ALDH6A1: variants seen among roughly 807,000 people sequenced by gnomAD.
The protein encoded by ALDH6A1 is aldehyde dehydrogenase 6 family member A1.
Under a neutral mutation model 62.6 loss-of-function variants are expected in ALDH6A1, and 43 were observed. That is an observed-to-expected ratio of 0.69 (90% CI 0.54 to 0.89). ALDH6A1 has a LOEUF of 0.89. Ranked by LOEUF, ALDH6A1 falls within the 40% of genes least tolerant of loss-of-function variation. The pLI, the probability that ALDH6A1 is intolerant of heterozygous loss-of-function variation, is 0.00. For synonymous variants in ALDH6A1, 194 were observed against 234.2 expected, an observed-to-expected ratio of 0.83 and a Z score of 1.57; for missense variants, 551 against 661.3, an observed-to-expected ratio of 0.83 and a Z score of 1.83.
At chr14:74,075,204 T>C (rs2060599149) in intron 1 of ALDH6A1, among the ~76,000 whole-genome samples, 187 bp from the exon 2 acceptor site, 1 of 152,116 alleles carries the variant, frequency 6.6e-6, no homozygotes, top group Admixed American at 6.6e-5. Flanking sequence ...CAATAAACCA[T>C]AATAATCATG....
intron 1 of ALDH6A1, among the ~76,000 whole-genome samples, chr14:74,079,889 T>C (rs1240061228): frequency 6.6e-6 from 1 of 151,986 alleles, no homozygotes; most frequent in East Asian, 1.9e-4. Flanking sequence ...ATTTTAAAAA[T>C]TAGTTGGGCA....
At position 74,058,338 on chromosome 14, in the gene ALDH6A1, A is replaced by T. The variant is rs2060266526; in HGVS notation, c.*2304T>A. 6.6e-6 allele frequency: 1 copy of T among 151,114 alleles called. No homozygotes were observed. Among genetic ancestry groups the T allele is most frequent in the South Asian group, 2.1e-4 (1 of 4,784 alleles). 9.4% of individuals were successfully genotyped at this position (151,114 alleles called of 1,614,324 possible). On this transcript the variant is annotated 3_prime_UTR_variant, in exon 12 of 12. Transcript: ENST00000553458. The stretch of plus-strand genomic sequence containing the variant: ...CGAGACTCCATCTCAAAACAAAACA[A>T]AACAACAACAAAAAAAATCACTACC...
At position 74,065,277 on chromosome 14, in the gene ALDH6A1, C is replaced by T. The variant is rs1156892766; in HGVS notation, c.1308G>A (p.Gln436=). The T allele has an allele frequency of 1.2e-6, 2 of 1,614,156 alleles. No individual in the cohort carries two copies. Among genetic ancestry groups the T allele is most frequent in the African/African-American group, 1.3e-5 (1 of 75,056 alleles). Residue 436 remains glutamine, a synonymous_variant, in exon 10 of 12, where the codon CAG becomes CAA. Coordinates refer to ENST00000553458, the MANE Select transcript of ALDH6A1 (RefSeq NM_005589.4). The part of the protein sequence containing the change: ...LETETLDEAI[Q]IVNNNPYGNG... ...TTCCATATGGGTTGTTATTTACAAT[C>T]TGGATGGCTTCATCCAATGTTTCTG... is the stretch of plus-strand genomic sequence containing the variant.
rs761850051 is a variant in ALDH6A1 at position 74,068,964 on chromosome 14, C to A, written c.748G>T (p.Asp250Tyr). ...GQHEAVNFICDHPDIKAISFV... is the reference protein window; with the variant it reads ...GQHEAVNFICYHPDIKAISFV... The stretch of plus-strand genomic sequence containing the variant: ...CTGATTGCTTTGATGTCCGGATGAT[C>A]GCAAATAAAATTTACAGCTTTAAGA... Residue 250 changes from aspartate to tyrosine, a missense_variant, in exon 7 of 12, where the codon GAT becomes TAT. Physicochemically the swap from Asp to Tyr is radical, Grantham distance 160. Transcript: ENST00000553458. 1 of 1,613,868 alleles carries A rather than the reference C, an allele frequency of 6.2e-7. No individual in the cohort carries two copies. Among genetic ancestry groups the A allele is most frequent in the East Asian group, 2.2e-5 (1 of 44,864 alleles).
chr14:74,079,545 G>C (rs1323822090), intron 1 of ALDH6A1, among the ~76,000 whole-genome samples: 2 of 151,216 alleles, frequency 1.3e-5, no homozygotes, highest in African/African-American at 2.4e-5. Context: ...ACCTTCTCCT[G>C]CCTCAGCCTC....
At chr14:74,071,127 C>A in intron 6 of ALDH6A1, 68 bp downstream of exon 6, 1 of 1,427,554 alleles carries the variant, frequency 7.0e-7, no homozygotes, top group Non-Finnish European at 9.9e-7. Context: ...CTAAAACATC[C>A]AACCATCACT....
At chr14:74,062,159 T>C (rs999209930) in intron 11 of ALDH6A1, among the ~76,000 whole-genome samples, 4 of 151,006 alleles carry the variant, frequency 2.6e-5, no homozygotes, top group Non-Finnish European at 5.9e-5. Context: ...AATGCACCAT[T>C]GCACTCCAGC....
chr14:74,060,848 C>G lies in ALDH6A1; in HGVS notation c.1504-102G>C, dbSNP rs770108434. The G allele has an allele frequency of 4.3e-5, 35 of 819,472 alleles. No homozygotes were observed. The Middle Eastern group carries it at 1.3e-3, about 30-fold the overall frequency. 50.8% of individuals were successfully genotyped at this position (819,472 alleles called of 1,614,324 possible). Reference sequence around the variant, plus strand: ...GTATTATAAAGTGCTACTCACTTTCCTAATTGAGAAATGCAATCAGAATCC... The same window carrying G: ...GTATTATAAAGTGCTACTCACTTTCGTAATTGAGAAATGCAATCAGAATCC... On this transcript the variant is annotated intron_variant, in intron 11 of 11. Transcript: ENST00000553458.
At chr14:74,077,629 G>A (rs2060626269) in intron 1 of ALDH6A1, among the ~76,000 whole-genome samples, 1 of 152,114 alleles carries the variant, frequency 6.6e-6, no homozygotes, top group African/African-American at 2.4e-5. Flanking sequence ...TCTCAAAAGA[G>A]CAAGAATTCA....
At chr14:74,062,097 C>T (rs1423676283) in intron 11 of ALDH6A1, among the ~76,000 whole-genome samples, 2 of 144,154 alleles carry the variant, frequency 1.4e-5, no homozygotes, top group Non-Finnish European at 3.0e-5. Context: ...CGTGGTGGAG[C>T]CTGAGGCAGA....
chr14:74,069,190 C>G, intron 6 of ALDH6A1: 1 of 446,886 alleles, frequency 2.2e-6, no homozygotes, highest in Non-Finnish European at 4.0e-6. Context: ...CTGCAACCTC[C>G]GCCTCCCAGG....
chr14:74,065,162 A>T lies in ALDH6A1; in HGVS notation c.1404+19T>A, dbSNP rs2060440198. The T allele has an allele frequency of 6.2e-7, 1 of 1,613,352 alleles. No homozygotes were observed. Among genetic ancestry groups the T allele is most frequent in the South Asian group, 1.1e-5 (1 of 91,080 alleles). On this transcript the variant is annotated intron_variant, in intron 10 of 11. Coordinates refer to ENST00000553458, the MANE Select transcript of ALDH6A1 (RefSeq NM_005589.4). ...TAGTAAATGGATATAAGAATCTCTTAAAAATTCTGTTCACGAACCTGTCCA... is the reference window on the plus strand; with the variant it reads ...TAGTAAATGGATATAAGAATCTCTTTAAAATTCTGTTCACGAACCTGTCCA...
At chr14:74,067,199 C>T (rs2060480553) in intron 8 of ALDH6A1, among the ~76,000 whole-genome samples, 181 bp downstream of exon 8, 1 of 152,072 alleles carries the variant, frequency 6.6e-6, no homozygotes, top group East Asian at 1.9e-4. Context: ...GGGTAACAGA[C>T]AGCCTGTGCT....
In ALDH6A1 at chr14:74,072,303, A is replaced by G. The variant is rs1489883618; in HGVS notation, c.248T>C (p.Ile83Thr). 17 of 1,614,236 alleles carry G rather than the reference A, an allele frequency of 1.1e-5. No homozygotes were observed. The highest frequency in any genetic ancestry group is 1.4e-5 in the Non-Finnish European group (17 of 1,180,050). Residue 83 changes from isoleucine to threonine, a missense_variant, in exon 4 of 12, where the codon ATT becomes ACT. By Grantham distance (89) the Ile-to-Thr change is moderately conservative. Coordinates refer to ENST00000553458, the MANE Select transcript of ALDH6A1 (RefSeq NM_005589.4). ...QATKAEMDAA[I>T]ASCKRAFPAW... is the part of the protein sequence containing the mutation. ...AGGAAAAGCACGTTTGCAGGAAGCA[A>G]TGGCTGCATCCATTTCTGCCTTGGT...
intron 11 of ALDH6A1, among the ~76,000 whole-genome samples, chr14:74,064,308 A>AT (rs2060419556): frequency 6.8e-6 from 1 of 147,808 alleles, no homozygotes; most frequent in African/African-American, 2.5e-5. Flanking sequence ...AAAAAAAAAA[A>AT]AAATAATAAT....
rs1488847351 is a variant in ALDH6A1, at chr14:74,065,238, G to T, written c.1347C>A (p.Ile449=). The change falls in exon 10 of 12, where the codon ATC becomes ATA. Residue 449 remains isoleucine (I), a synonymous_variant. Coordinates refer to ENST00000553458, the MANE Select transcript of ALDH6A1 (RefSeq NM_005589.4). The part of the protein sequence containing the change: ...NNNPYGNGTA[I]FTTNGATARK... ...GAGCAGTGGCTCCATTGGTGGTGAA[G>T]ATGGCAGTTCCATTTCCATATGGGT... 6.2e-7 allele frequency: 1 copy of T among 1,614,132 alleles called. No individual in the cohort carries two copies. Among genetic ancestry groups the T allele is most frequent in the Admixed American group, 1.7e-5 (1 of 59,988 alleles).
Position 74,072,368 on chromosome 14 carries a change from A to C in ALDH6A1, c.187-4T>G. The C allele has an allele frequency of 6.2e-7, 1 of 1,614,170 alleles. No homozygotes were observed. The highest frequency in any genetic ancestry group is 8.5e-7 in the Non-Finnish European group (1 of 1,180,020). Reference sequence around the variant, plus strand: ...GACCAATGACCTCATTGGTGGCCTGATGAGAAAAATAAGCACATGATCCTT... The same window carrying C: ...GACCAATGACCTCATTGGTGGCCTGCTGAGAAAAATAAGCACATGATCCTT... On this transcript the variant is annotated splice_polypyrimidine_tract_variant and splice_region_variant and intron_variant, in intron 3 of 11. Transcript: ENST00000553458.
chr14:74,072,509 G>A, intron 3 of ALDH6A1, 28 bp downstream of exon 3: 1 of 1,614,006 alleles, frequency 6.2e-7, no homozygotes, highest in Non-Finnish European at 8.5e-7. Flanking sequence ...AGGCTCATAA[G>A]TTGAAGTCCC....
rs888441571 is a variant in ALDH6A1, at chr14:74,058,703, A to G, written c.*1939T>C. 10 of 152,114 alleles carry G rather than the reference A, an allele frequency of 6.6e-5. No individual in the cohort carries two copies. Among genetic ancestry groups the G allele is most frequent in the African/African-American group, 2.4e-4 (10 of 41,418 alleles). 9.4% of individuals were successfully genotyped at this position (152,114 alleles called of 1,614,324 possible). The stretch of plus-strand genomic sequence containing the variant: ...CGCAGGAAAATAAAAAGAGGATTCA[A>G]TTGGATTGGTACTGCAAAAAGAATC... On this transcript the variant is annotated 3_prime_UTR_variant, in exon 12 of 12. Coordinates refer to ENST00000553458, the MANE Select transcript of ALDH6A1 (RefSeq NM_005589.4).
Sources: allele counts gnomAD v4.1 joint callset (sites outside exome capture counted in the v4.1 genomes callset), GRCh38; gene constraint gnomAD v4.1.1; transcripts MANE v1.5; gene names NCBI Gene and HGNC (gene_info 2026-07-23, HGNC 2026-07-21).